Variants in ADAMTS12 observed in about 807,000 individuals in gnomAD.
ADAMTS12 encodes the protein ADAM metallopeptidase with thrombospondin type 1 motif 12.
A neutral mutation model predicts 167.8 loss-of-function variants in ADAMTS12; 118 were observed. That is an observed-to-expected ratio of 0.70 (90% CI 0.61 to 0.82). The LOEUF is 0.82. Ranked by LOEUF, ADAMTS12 falls within the 40% of genes least tolerant of loss-of-function variation. The probability of loss-of-function intolerance (pLI) is 0.00; values close to 1 mark genes in which losing one functional copy is unlikely to be tolerated. For synonymous variants in ADAMTS12, 704 were observed against 716.9 expected, an observed-to-expected ratio of 0.98 and a Z score of 0.29; for missense variants, 1,916 against 1,998.8, an observed-to-expected ratio of 0.96 and a Z score of 0.79.
At chr5:33,649,442 C>T in intron 8 of ADAMTS12, 112 bp downstream of exon 8, 1 of 1,347,480 alleles carries the variant, frequency 7.4e-7, no homozygotes, top group Non-Finnish European at 1.0e-6. Flanking sequence ...ACATGGTGGC[C>T]TGTGGGATGG....
At position 33,702,366 on chromosome 5, in the gene ADAMTS12, CAT is replaced by C. The variant is rs374704391; in HGVS notation, c.635-18313_635-18312del. Among the ~76,000 whole-genome samples the C allele has an allele frequency of 2.1e-3, 324 of 152,310 alleles. 1 individual carries two copies. Among genetic ancestry groups the C allele is most frequent in the African/African-American group, 7.6e-3 (316 of 41,570 alleles). On this transcript the variant is annotated intron_variant, in intron 3 of 23. Transcript: ENST00000504830. The stretch of plus-strand genomic sequence containing the variant: ...GTTCATGAGTCTTTAAAGACTTACA[CAT>C]GTCTTCCCAATCATCAAAGGAATAA...
chr5:33,587,857 T>TC (rs35313687), intron 18 of ADAMTS12, among the ~76,000 whole-genome samples: 34,585 of 152,088 alleles, frequency 0.23, 4,020 homozygotes, highest in Non-Finnish European at 0.25. Context: ...TTCTAGTTAT[T>TC]CTTAGGTTGT....
chr5:33,754,731 CT>C (rs1240787346), intron 2 of ADAMTS12, among the ~76,000 whole-genome samples: 2 of 152,092 alleles, frequency 1.3e-5, no homozygotes, highest in African/African-American at 4.8e-5. Flanking sequence ...TGGCACGTGC[CT>C]GTAATCCCAG....
At chr5:33,815,635 TTAGC>T (rs1747624404) in intron 2 of ADAMTS12, among the ~76,000 whole-genome samples, 1 of 152,208 alleles carries the variant, frequency 6.6e-6, no homozygotes, top group African/African-American at 2.4e-5. Flanking sequence ...GGGAACAGAC[TTAGC>T]TAGGACATCA....
At chr5:33,782,871 A>G (rs1423880056) in intron 2 of ADAMTS12, among the ~76,000 whole-genome samples, 1 of 152,078 alleles carries the variant, frequency 6.6e-6, no homozygotes, top group African/African-American at 2.4e-5. Context: ...TACTTCATAG[A>G]AAAACTTGAC....
At chr5:33,819,355 C>A (rs1747786846) in intron 2 of ADAMTS12, among the ~76,000 whole-genome samples, 1 of 152,050 alleles carries the variant, frequency 6.6e-6, no homozygotes, top group African/African-American at 2.4e-5. Flanking sequence ...ATTGTGTCCT[C>A]TTGATGCCCT....
intron 12 of ADAMTS12, among the ~76,000 whole-genome samples, chr5:33,632,581 G>A (rs1579777591): frequency 6.6e-6 from 1 of 152,140 alleles, no homozygotes; most frequent in South Asian, 2.1e-4. Flanking sequence ...GGGACAAAGC[G>A]TGACTTGGGA....
intron 2 of ADAMTS12, among the ~76,000 whole-genome samples, chr5:33,834,460 GT>G (rs1043717821): frequency 6.6e-6 from 1 of 152,162 alleles, no homozygotes; most frequent in Non-Finnish European, 1.5e-5. Flanking sequence ...ATTCTTGAGG[GT>G]TTCCATCAGA....
chr5:33,728,415 G>A (rs990250794), intron 3 of ADAMTS12, among the ~76,000 whole-genome samples: 2 of 152,182 alleles, frequency 1.3e-5, no homozygotes, highest in Non-Finnish European at 2.9e-5. Flanking sequence ...GGTGGCAGGT[G>A]TGACTCCCCT....
chr5:33,576,385 C>T lies in ADAMTS12; in HGVS notation c.3641G>A (p.Ser1214Asn). The part of the protein sequence containing the change: ...LSRESWWPPF[S>N]TVMEGLLPSQ... ...GGGGAGCAGTCCTTCCATTACTGTG[C>T]TGAAGGGTGGCCACCAGGACTCCCT... The change falls in exon 19 of 24, where the codon AGC becomes AAC. Residue 1214 changes from serine (S) to asparagine (N), a missense_variant. Ser to Asn is a conservative substitution (Grantham distance 46). Transcript: ENST00000504830. 6.2e-7 allele frequency: 1 copy of T among 1,614,144 alleles called. No individual in the cohort carries two copies. The highest frequency in any genetic ancestry group is 8.5e-7 in the Non-Finnish European group (1 of 1,179,998).
At chr5:33,689,108 G>A (rs1364830764) in intron 3 of ADAMTS12, among the ~76,000 whole-genome samples, 1 of 152,156 alleles carries the variant, frequency 6.6e-6, no homozygotes, top group Non-Finnish European at 1.5e-5. Context: ...GACACTAACA[G>A]CCATCTGGGA....
chr5:33,644,931 A>T (rs562718398), intron 9 of ADAMTS12, among the ~76,000 whole-genome samples: 2 of 151,948 alleles, frequency 1.3e-5, no homozygotes, highest in South Asian at 4.2e-4. Flanking sequence ...GGGGTTTCAC[A>T]GTGTTAGCCA....
At chr5:33,828,803 A>G (rs1748189992) in intron 2 of ADAMTS12, among the ~76,000 whole-genome samples, 1 of 152,200 alleles carries the variant, frequency 6.6e-6, no homozygotes, top group South Asian at 2.1e-4. Context: ...GGCAGAGGGT[A>G]TGATGCAGTG....
intron 5 of ADAMTS12, among the ~76,000 whole-genome samples, chr5:33,675,249 G>C (rs985573292): frequency 1.3e-5 from 2 of 152,184 alleles, no homozygotes; most frequent in Non-Finnish European, 2.9e-5. Context: ...GAGGATAACA[G>C]AGAAAAAGTG....
intron 2 of ADAMTS12, among the ~76,000 whole-genome samples, chr5:33,788,952 C>CT (rs1350682424): frequency 6.6e-6 from 1 of 152,200 alleles, no homozygotes; most frequent in Non-Finnish European, 1.5e-5. Flanking sequence ...AGCAGAGGTT[C>CT]TTCCCTTCCC....
chr5:33,689,428 T>C (rs1286077741), intron 3 of ADAMTS12, among the ~76,000 whole-genome samples: 2 of 150,112 alleles, frequency 1.3e-5, no homozygotes, highest in African/African-American at 4.9e-5. Flanking sequence ...AAAAAAATCA[T>C]ACATAGAAGA....
At chr5:33,781,186 A>G (rs1746111822) in intron 2 of ADAMTS12, among the ~76,000 whole-genome samples, 1 of 152,138 alleles carries the variant, frequency 6.6e-6, no homozygotes, top group African/African-American at 2.4e-5. Flanking sequence ...ATAGATAGAT[A>G]TAGATACAGA....
At chr5:33,531,477 T>C (rs1744099649) in intron 23 of ADAMTS12, among the ~76,000 whole-genome samples, 1 of 152,196 alleles carries the variant, frequency 6.6e-6, no homozygotes, top group Admixed American at 6.5e-5. Flanking sequence ...GGTGCATGTA[T>C]TCTTTTAATA....
At chr5:33,823,194 A>C (rs961658468) in intron 2 of ADAMTS12, among the ~76,000 whole-genome samples, 7 of 152,120 alleles carry the variant, frequency 4.6e-5, no homozygotes, top group African/African-American at 1.7e-4. Context: ...TCTGATACTT[A>C]ATTATACACA....
Sources: gnomAD v4.1 joint callset for allele counts (sites outside exome capture counted in the v4.1 genomes callset) on GRCh38, gnomAD v4.1.1 for gene constraint, MANE v1.5 for transcripts, NCBI Gene and HGNC (gene_info 2026-07-23, HGNC 2026-07-21) for gene names.